The following LHFPL6 variants were observed in gnomAD, a reference collection of about 807,000 sequenced individuals.
The protein encoded by LHFPL6 is LHFPL tetraspan subfamily member 6.
LHFPL6 carries 9 observed loss-of-function variants against 20.6 expected under a neutral mutation model. That is an observed-to-expected ratio of 0.44 (90% confidence interval 0.26 to 0.76). The LOEUF is 0.76. LHFPL6 is among the 30% of genes least tolerant of loss of function. The probability of loss-of-function intolerance (pLI) is 0.20; values close to 1 mark genes in which losing one functional copy is unlikely to be tolerated. For missense variants in LHFPL6, 218 were observed against 253.5 expected (o/e 0.86, Z 0.95); for synonymous variants, 105 against 98.7 (o/e 1.06, Z -0.38).
chr13:39,530,103 T>C (rs1164991348), intron 2 of LHFPL6, among the ~76,000 whole-genome samples: 1 of 151,092 alleles, frequency 6.6e-6, no homozygotes, highest in Non-Finnish European at 1.5e-5. Context: ...GAACATAAAG[T>C]GGGAAAAGGA....
intron 2 of LHFPL6, among the ~76,000 whole-genome samples, chr13:39,389,385 A>G (rs1357821725): frequency 2.6e-5 from 4 of 152,156 alleles, no homozygotes; most frequent in East Asian, 3.8e-4. Context: ...ATTATTTTTT[A>G]ATCATTACCT....
At chr13:39,559,331 CAA>C in intron 2 of LHFPL6, among the ~76,000 whole-genome samples, 1 of 152,178 alleles carries the variant, frequency 6.6e-6, no homozygotes, top group Admixed American at 6.5e-5. Context: ...TCAGAGGAGA[CAA>C]AGTGTTTATT....
chr13:39,473,750 C>A (rs918911154), intron 2 of LHFPL6, among the ~76,000 whole-genome samples: 1 of 152,174 alleles, frequency 6.6e-6, no homozygotes, highest in East Asian at 1.9e-4. Context: ...CTCACAGAGA[C>A]AAATTTATAA....
At chr13:39,548,872 C>T (rs1871060424) in intron 2 of LHFPL6, among the ~76,000 whole-genome samples, 1 of 151,978 alleles carries the variant, frequency 6.6e-6, no homozygotes. Flanking sequence ...ACTCTGGAAG[C>T]ATCAAAAGCA....
intron 2 of LHFPL6, among the ~76,000 whole-genome samples, chr13:39,564,155 T>A (rs971392426): frequency 6.6e-6 from 1 of 152,290 alleles, no homozygotes; most frequent in African/African-American, 2.4e-5. Flanking sequence ...CAGCACAGAT[T>A]TGGCCAAATC....
rs191114674 is a variant in LHFPL6, at chr13:39,509,717, T to C, written c.385+91115A>G. The stretch of plus-strand genomic sequence containing the variant: ...GCTCACGCCTGTAATCCCAGCACTG[T>C]AGGAGGCTGAGGAGGGAGGATCCCT... On this transcript the variant is annotated intron_variant, in intron 2 of 3. Coordinates refer to ENST00000379589, the MANE Select transcript of LHFPL6 (RefSeq NM_005780.3). Among the ~76,000 whole-genome samples the C allele has an allele frequency of 2.1e-3, 325 of 152,272 alleles. 1 individual carries two copies. Among genetic ancestry groups the C allele is most frequent in the Admixed American group, 3.5e-3 (54 of 15,300 alleles).
At chr13:39,528,505 C>T (rs1870362466) in intron 2 of LHFPL6, among the ~76,000 whole-genome samples, 1 of 152,202 alleles carries the variant, frequency 6.6e-6, no homozygotes, top group Admixed American at 6.5e-5. Context: ...TGTAGGGCAT[C>T]CCTCTCTCCC....
chr13:39,472,874 T>C (rs535613232), intron 2 of LHFPL6, among the ~76,000 whole-genome samples: 1 of 152,100 alleles, frequency 6.6e-6, no homozygotes, highest in East Asian at 1.9e-4. Flanking sequence ...GCCTCCCAAA[T>C]TGCTGGGATT....
At chr13:39,510,749 C>T (rs964191241) in intron 2 of LHFPL6, among the ~76,000 whole-genome samples, 8 of 151,902 alleles carry the variant, frequency 5.3e-5, no homozygotes, top group Non-Finnish European at 1.0e-4. Context: ...AACTTTGCTT[C>T]CTGAGTGAAA....
chr13:39,432,727 C>T (rs1004947329), intron 2 of LHFPL6, among the ~76,000 whole-genome samples: 2 of 152,128 alleles, frequency 1.3e-5, no homozygotes, highest in African/African-American at 4.8e-5. Flanking sequence ...CCTCCCACTC[C>T]ACTCCCAAAA....
chr13:39,466,763 T>A (rs982412125), intron 2 of LHFPL6, among the ~76,000 whole-genome samples: 2 of 152,232 alleles, frequency 1.3e-5, no homozygotes, highest in African/African-American at 4.8e-5. Context: ...TTGCACTTCA[T>A]CGGCAAACAC....
chr13:39,489,505 T>C (rs1386099464), intron 2 of LHFPL6, among the ~76,000 whole-genome samples: 3 of 151,112 alleles, frequency 2.0e-5, no homozygotes, highest in Non-Finnish European at 4.4e-5. Flanking sequence ...TTCATACACA[T>C]GTTTGTGTTA....
intron 2 of LHFPL6, among the ~76,000 whole-genome samples, chr13:39,530,391 CG>C (rs1043955656): frequency 1.3e-5 from 2 of 151,800 alleles, no homozygotes; most frequent in Admixed American, 1.3e-4. Context: ...GAGGTATGAG[CG>C]GGGGCAAACT....
intron 2 of LHFPL6, among the ~76,000 whole-genome samples, chr13:39,440,089 A>G (rs964756400): frequency 5.9e-5 from 9 of 152,210 alleles, no homozygotes; most frequent in Admixed American, 2.6e-4. Context: ...AAGAAGTCTC[A>G]TCATGGTTTA....
intron 2 of LHFPL6, among the ~76,000 whole-genome samples, chr13:39,448,583 C>T (rs908087105): frequency 1.3e-5 from 2 of 152,156 alleles, no homozygotes; most frequent in African/African-American, 4.8e-5. Context: ...TTGCTATGAT[C>T]AGGTCTGCTG....
rs369296873 is a variant in LHFPL6 at position 39,536,995 on chromosome 13, G to A, written c.385+63837C>T. On this transcript the variant is annotated intron_variant, in intron 2 of 3. Transcript: ENST00000379589. Reference sequence around the variant, plus strand: ...CTCAGACATTTCCCTGAGGTATTACGAAGCTGTTGAGAACGTTCCCTCCAT... The same window carrying A: ...CTCAGACATTTCCCTGAGGTATTACAAAGCTGTTGAGAACGTTCCCTCCAT... 3.7e-4 allele frequency among the ~76,000 whole-genome samples: 56 copies of A among 152,282 alleles called. 1 individual carries two copies. The South Asian group carries it at 0.011, about 31-fold the overall frequency.
chr13:39,582,391 T>C (rs543789692), intron 2 of LHFPL6, among the ~76,000 whole-genome samples: 1 of 152,300 alleles, frequency 6.6e-6, no homozygotes. Context: ...GAGACTTTTA[T>C]CAAACTGGGG....
At chr13:39,522,957 G>A (rs1460580531) in intron 2 of LHFPL6, among the ~76,000 whole-genome samples, 2 of 152,066 alleles carry the variant, frequency 1.3e-5, no homozygotes, top group Non-Finnish European at 2.9e-5. Flanking sequence ...TAACATGGTT[G>A]GAATACCATA....
At chr13:39,571,503 CT>C in intron 2 of LHFPL6, among the ~76,000 whole-genome samples, 1 of 152,330 alleles carries the variant, frequency 6.6e-6, no homozygotes, top group Non-Finnish European at 1.5e-5. Context: ...CTGCCCTTCT[CT>C]TCCCCTCTCC....
Sources: allele counts gnomAD v4.1 joint callset (sites outside exome capture counted in the v4.1 genomes callset), GRCh38; gene constraint gnomAD v4.1.1; transcripts MANE v1.5; gene names NCBI Gene and HGNC (gene_info 2026-07-23, HGNC 2026-07-21).